The following LARP4B variants were observed in gnomAD, a reference collection of about 807,000 sequenced individuals.
The protein encoded by LARP4B is la-related protein 4B.
A neutral mutation model predicts 89.8 loss-of-function variants in LARP4B; 12 were observed. The observed-to-expected ratio is 0.13, with a 90% CI of 0.09 to 0.22. LARP4B has a LOEUF of 0.22. Ranked by LOEUF, LARP4B falls within the 10% of genes least tolerant of loss-of-function variation. LARP4B has a pLI of 1.00. For missense variants in LARP4B, 757 were observed against 947.7 expected, an observed-to-expected ratio of 0.80 and a Z score of 2.64; for synonymous variants, 367 against 363.3, an observed-to-expected ratio of 1.01 and a Z score of -0.12.
chr10:903,364 C>A (rs1008222606), intron 1 of LARP4B: 2 of 152,200 alleles, frequency 1.3e-5, no homozygotes, highest in African/African-American at 4.8e-5. Flanking sequence ...AAGAGCAGAA[C>A]TGCCTGATTC....
intron 5 of LARP4B, among the ~76,000 whole-genome samples, chr10:846,920 T>G (rs1184696151): frequency 1.3e-5 from 2 of 152,164 alleles, no homozygotes; most frequent in Non-Finnish European, 2.9e-5. Context: ...ACTAGGATAC[T>G]GTGAAGTTAG....
intron 1 of LARP4B, among the ~76,000 whole-genome samples, chr10:899,420 C>CTAT (rs1210943523): frequency 1.3e-5 from 2 of 152,330 alleles, no homozygotes; most frequent in Non-Finnish European, 2.9e-5. Context: ...TTGCCATGTT[C>CTAT]TGCACATTCT....
chr10:848,557 A>G (rs1054613042), intron 5 of LARP4B, among the ~76,000 whole-genome samples: 5 of 148,628 alleles, frequency 3.4e-5, no homozygotes, highest in African/African-American at 1.2e-4. Context: ...GTAAGGACAT[A>G]AAAGTTATTA....
chr10:820,644 G>C (rs1297494784), intron 14 of LARP4B, 156 bp downstream of exon 14: 3 of 680,318 alleles, frequency 4.4e-6, no homozygotes, highest in Non-Finnish European at 7.3e-6. Context: ...TCCTAGGCCA[G>C]CCAGGGTGTC....
At chr10:951,919 C>T in the LARP4B span, among the ~76,000 whole-genome samples, 1 of 147,692 alleles carries the variant, frequency 6.8e-6, no homozygotes, top group Non-Finnish European at 1.5e-5. Context: ...CCAGAACCAA[C>T]TGCATAACAT....
chr10:931,989 G>A (rs1190620843), upstream of LARP4B, among the ~76,000 whole-genome samples: 1 of 33,340 alleles, frequency 3.0e-5, no homozygotes, highest in Non-Finnish European at 6.9e-5. Flanking sequence ...CGCCCCGCCC[G>A]CCCCGCCCGC....
chr10:892,534 A>T (rs1836061904), intron 1 of LARP4B, among the ~76,000 whole-genome samples: 1 of 152,094 alleles, frequency 6.6e-6, no homozygotes, highest in South Asian at 2.1e-4. Context: ...TTAGAGAAAA[A>T]TTATCGTTAA....
the LARP4B span, among the ~76,000 whole-genome samples, chr10:981,697 A>C: frequency 6.6e-6 from 1 of 152,058 alleles, no homozygotes; most frequent in Admixed American, 6.5e-5. Context: ...AGCTTCCAGA[A>C]TAGCTGGGAT....
intron 3 of LARP4B, among the ~76,000 whole-genome samples, chr10:873,916 T>C (rs1835348286): frequency 1.3e-5 from 2 of 152,152 alleles, no homozygotes; most frequent in South Asian, 4.1e-4. Context: ...GTCATGTGCA[T>C]ACAGGGAGGA....
In LARP4B at chr10:885,691, C is replaced by T. The variant is rs139101797; in HGVS notation, c.31G>A (p.Ala11Thr). 4.3e-6 allele frequency: 7 copies of T among 1,614,026 alleles called. No homozygotes were observed. The African/African-American group carries it at 9.3e-5, about 22-fold the overall frequency. The change falls in exon 2 of 18, where the codon GCT (alanine) becomes ACT (threonine). Residue 11 changes from alanine (A) to threonine (T), a missense_variant. By Grantham distance (58) the Ala-to-Thr change is moderately conservative. Coordinates refer to ENST00000316157, the MANE Select transcript of LARP4B (RefSeq NM_015155.3). MTSDQDAKVV[A>T]EPQTQRVQEG... ...TGGACTCTCTGCGTCTGCGGTTCAG[C>T]CACAACCTTAGCGTCCTGATCAGAA...
chr10:931,174 G>A (rs577585865), intron 1 of LARP4B, among the ~76,000 whole-genome samples: 293 of 148,508 alleles, frequency 2.0e-3, no homozygotes, highest in Middle Eastern at 0.01. Flanking sequence ...CCCCGGCCCC[G>A]GTCCTCCTCA....
At chr10:957,804 T>C in the LARP4B span, among the ~76,000 whole-genome samples, 18,868 of 149,286 alleles carry the variant, frequency 0.13, 1,531 homozygotes, top group Non-Finnish European at 0.19. Context: ...TTCTTTCTTT[T>C]TTTTTTTTTT....
At chr10:977,165 A>T in the LARP4B span, among the ~76,000 whole-genome samples, 1 of 151,838 alleles carries the variant, frequency 6.6e-6, no homozygotes, top group Non-Finnish European at 1.5e-5. Flanking sequence ...TTTATTTATT[A>T]TTTTTACAGA....
chr10:881,164 C>A (rs1320561695), intron 3 of LARP4B, among the ~76,000 whole-genome samples: 4 of 152,188 alleles, frequency 2.6e-5, no homozygotes, highest in African/African-American at 9.7e-5. Context: ...TGCTGAATAC[C>A]AGTGGTCAGA....
At chr10:825,615 T>C (rs1832576979) in intron 12 of LARP4B, 149 bp downstream of exon 12, 2 of 642,104 alleles carry the variant, frequency 3.1e-6, no homozygotes, top group South Asian at 2.0e-5. Flanking sequence ...CATGCCAGAT[T>C]GTAGTGCTTA....
intron 5 of LARP4B, among the ~76,000 whole-genome samples, chr10:853,114 C>G (rs78375296): frequency 6.6e-6 from 1 of 152,114 alleles, no homozygotes; most frequent in African/African-American, 2.4e-5. Context: ...TGGAAATACA[C>G]AGGAACTGGA....
At position 922,715 on chromosome 10, in the gene LARP4B, A is replaced by ATAAC. The variant is rs1554809630; in HGVS notation, c.-40+8709_-40+8712dup. ...AATAAATAAATAAATAAATAAATAA[A>ATAAC]TAACAAGTATCACTGGAGGTATGGA... On this transcript the variant is annotated intron_variant, in intron 1 of 17. Coordinates refer to ENST00000316157, the MANE Select transcript of LARP4B (RefSeq NM_015155.3). 4.2e-4 allele frequency among the ~76,000 whole-genome samples: 61 copies of ATAAC among 144,728 alleles called. No homozygotes were observed. In the East Asian group the frequency reaches 4.4e-3, roughly 10 times the overall value. 94.9% of individuals were successfully genotyped at this position (144,728 alleles called of 152,430 possible). A position where few individuals can be genotyped will look rare whatever the true frequency, so the allele number is the denominator to read the frequency against.
chr10:951,733 G>A, the LARP4B span, among the ~76,000 whole-genome samples: 37,565 of 151,844 alleles, frequency 0.25, 5,335 homozygotes, highest in African/African-American at 0.39. Context: ...CAACCTTTAA[G>A]AGGAAGAAAT....
intron 1 of LARP4B, among the ~76,000 whole-genome samples, chr10:914,798 G>A (rs977609724): frequency 9.6e-5 from 14 of 146,244 alleles, no homozygotes; most frequent in African/African-American, 3.3e-4. Context: ...TAGACTCAGC[G>A]CCCCACCCGC....
Sources: allele counts gnomAD v4.1 joint callset (sites outside exome capture counted in the v4.1 genomes callset), GRCh38; gene constraint gnomAD v4.1.1; transcripts MANE v1.5; gene names NCBI Gene and HGNC (gene_info 2026-07-23, HGNC 2026-07-21).